Variants in PPARGC1A observed in about 807,000 individuals in gnomAD.
The protein encoded by PPARGC1A is peroxisome proliferator-activated receptor gamma coactivator 1-alpha.
PPARGC1A carries 25 observed loss-of-function variants against 88.7 expected under a neutral mutation model. That is an observed-to-expected ratio of 0.28 (90% CI 0.21 to 0.39). The LOEUF (loss-of-function observed/expected upper bound fraction) is 0.39. Among genes scored for constraint, PPARGC1A ranks in the 10% least tolerant of loss-of-function variants. The probability of loss-of-function intolerance (pLI) is 1.00; values close to 1 mark genes in which losing one functional copy is unlikely to be tolerated. For synonymous variants in PPARGC1A, 363 were observed against 355.6 expected, an observed-to-expected ratio of 1.02 and a Z score of -0.24; for missense variants, 880 against 968.7, an observed-to-expected ratio of 0.91 and a Z score of 1.22.
At chr4:24,232,766 C>T in the PPARGC1A span, among the ~76,000 whole-genome samples, 11 of 152,214 alleles carry the variant, frequency 7.2e-5, no homozygotes, top group African/African-American at 2.4e-4. Context: ...ACAAAAGCCT[C>T]ACCACAAGCA....
the PPARGC1A span, among the ~76,000 whole-genome samples, chr4:24,055,951 C>T: frequency 6.6e-6 from 1 of 152,198 alleles, no homozygotes; most frequent in South Asian, 2.1e-4. Flanking sequence ...AGTGGTGGGA[C>T]CAAGCTTGAT....
the PPARGC1A span, among the ~76,000 whole-genome samples, chr4:24,386,129 C>G: frequency 1.3e-5 from 2 of 152,068 alleles, no homozygotes; most frequent in Non-Finnish European, 2.9e-5. Context: ...TAAACAGAAC[C>G]AATGAAAAAA....
At chr4:23,890,197 G>T, upstream of PPARGC1A, 1 of 668,224 alleles carries the variant, frequency 1.5e-6, no homozygotes, top group Non-Finnish European at 2.1e-6. Flanking sequence ...GCAGCCCTCT[G>T]CTTCAGTGAA....
intron 2 of PPARGC1A, chr4:23,883,386 A>G (rs971256819): frequency 2.6e-5 from 4 of 152,202 alleles, no homozygotes; most frequent in Admixed American, 6.6e-5. Context: ...ATTCTGTTCT[A>G]TTTTTAAATA....
the PPARGC1A span, among the ~76,000 whole-genome samples, chr4:24,043,496 G>A: frequency 6.6e-6 from 1 of 152,066 alleles, no homozygotes; most frequent in Non-Finnish European, 1.5e-5. Context: ...TTCCCTGGAG[G>A]ATCATATTCA....
chr4:24,111,477 G>C, the PPARGC1A span, among the ~76,000 whole-genome samples: 1 of 152,164 alleles, frequency 6.6e-6, no homozygotes. Context: ...CTACCAGATT[G>C]TTAATAAAAA....
At chr4:24,142,524 A>G in the PPARGC1A span, among the ~76,000 whole-genome samples, 2 of 152,124 alleles carry the variant, frequency 1.3e-5, no homozygotes, top group East Asian at 3.9e-4. Context: ...AAATACAAAA[A>G]TGAGTCAGGT....
At chr4:24,068,669 C>T in the PPARGC1A span, among the ~76,000 whole-genome samples, 1 of 152,134 alleles carries the variant, frequency 6.6e-6, no homozygotes, top group African/African-American at 2.4e-5. Flanking sequence ...CAGACCTGGC[C>T]TAAATTGAAA....
chr4:24,424,725 G>A, the PPARGC1A span, among the ~76,000 whole-genome samples: 1 of 152,120 alleles, frequency 6.6e-6, no homozygotes, highest in East Asian at 1.9e-4. Context: ...CATAATTTGA[G>A]CATCATCTCT....
intron 1 of PPARGC1A, among the ~76,000 whole-genome samples, chr4:23,885,563 T>C (rs914413379): frequency 1.3e-5 from 2 of 152,212 alleles, no homozygotes; most frequent in African/African-American, 4.8e-5. Context: ...GACTTCATCC[T>C]TAAAGGCAAA....
intron 2 of PPARGC1A, among the ~76,000 whole-genome samples, chr4:23,856,841 G>T (rs2148689495): frequency 6.6e-6 from 1 of 151,634 alleles, no homozygotes; most frequent in Middle Eastern, 3.4e-3. Context: ...CCAGGGGCAG[G>T]CTGTTGAACA....
chr4:23,966,383 G>C, the PPARGC1A span, among the ~76,000 whole-genome samples: 1 of 152,178 alleles, frequency 6.6e-6, no homozygotes, highest in Non-Finnish European at 1.5e-5. Flanking sequence ...GTGAGACCGA[G>C]AAACTAGATT....
chr4:23,889,171 A>G, intron 1 of PPARGC1A: 4 of 985,386 alleles, frequency 4.1e-6, no homozygotes. Flanking sequence ...GCAGCTCCAC[A>G]CACAGTCCTG....
chr4:24,029,654 C>G, the PPARGC1A span, among the ~76,000 whole-genome samples: 2 of 152,044 alleles, frequency 1.3e-5, no homozygotes, highest in Admixed American at 1.3e-4. Context: ...TCCTCCTTTG[C>G]AAAACAGGTA....
the PPARGC1A span, among the ~76,000 whole-genome samples, chr4:24,116,345 C>T: frequency 6.6e-6 from 1 of 152,106 alleles, no homozygotes; most frequent in Admixed American, 6.6e-5. Flanking sequence ...ACTCAAAAGC[C>T]ATATCAACAT....
chr4:24,466,966 AAGAAAG>A, the PPARGC1A span, among the ~76,000 whole-genome samples: 2 of 103,880 alleles, frequency 1.9e-5, no homozygotes, highest in African/African-American at 3.8e-5. Flanking sequence ...GAAAGAAAGA[AAGAAAG>A]AGAAAGAAAG....
At chr4:24,150,546 A>G in the PPARGC1A span, among the ~76,000 whole-genome samples, 3 of 152,268 alleles carry the variant, frequency 2.0e-5, no homozygotes, top group East Asian at 5.8e-4. Flanking sequence ...AAATATTACA[A>G]CCAAGAGGTC....
At position 23,794,323 on chromosome 4, in the gene PPARGC1A, T is replaced by C. The variant is rs1717133621; in HGVS notation, c.*1499A>G. ...TTTAGATGAGAAAATTTCATTCCCCTAACAAATCCAGTGTATAAAACTTCA... is the reference window on the plus strand; with the variant it reads ...TTTAGATGAGAAAATTTCATTCCCCCAACAAATCCAGTGTATAAAACTTCA... On this transcript the variant is annotated 3_prime_UTR_variant, in exon 13 of 13. Coordinates refer to ENST00000264867, the MANE Select transcript of PPARGC1A (RefSeq NM_013261.5). 6.6e-6 allele frequency: 1 copy of C among 152,548 alleles called. No homozygotes were observed. Among genetic ancestry groups the C allele is most frequent in the African/African-American group, 2.4e-5 (1 of 41,432 alleles). The allele number at this position is 152,548 out of a possible 1,614,324, so 9.4% of individuals were successfully genotyped here.
the PPARGC1A span, among the ~76,000 whole-genome samples, chr4:24,425,027 T>C: frequency 6.6e-6 from 1 of 152,234 alleles, no homozygotes; most frequent in African/African-American, 2.4e-5. Context: ...TGATTATGCA[T>C]ATAATTACAG....
Sources: allele counts gnomAD v4.1 joint callset (sites outside exome capture counted in the v4.1 genomes callset), GRCh38; gene constraint gnomAD v4.1.1; transcripts MANE v1.5; gene names NCBI Gene and HGNC (gene_info 2026-07-23, HGNC 2026-07-21).